The following TMEM117 variants were observed in gnomAD, a reference collection of about 807,000 sequenced individuals.
The protein encoded by TMEM117 is transmembrane protein 117.
TMEM117 carries 27 observed loss-of-function variants against 52.4 expected under a neutral mutation model. The ratio of observed to expected loss-of-function variants is 0.51; its 90% confidence interval spans 0.38 to 0.71. TMEM117 has a LOEUF of 0.71. TMEM117 is among the 30% of genes least tolerant of loss of function. The pLI, the probability that TMEM117 is intolerant of heterozygous loss-of-function variation, is 0.00. For missense variants in TMEM117, 556 were observed against 630.5 expected (o/e 0.88, Z 1.26); for synonymous variants, 215 against 206.3 (o/e 1.04, Z -0.36).
chr12:44,093,567 A>C (rs1011503080), intron 3 of TMEM117, among the ~76,000 whole-genome samples: 1 of 152,162 alleles, frequency 6.6e-6, no homozygotes, highest in African/African-American at 2.4e-5. Context: ...GATGTTAACA[A>C]AAAACCATGT....
chr12:44,008,901 C>T (rs1471186146), intron 3 of TMEM117: 1 of 415,744 alleles, frequency 2.4e-6, no homozygotes, highest in African/African-American at 2.1e-5. Flanking sequence ...TATGGTTTTA[C>T]TCTTTGATGT....
chr12:44,287,055 T>A (rs1565675165), intron 5 of TMEM117, among the ~76,000 whole-genome samples: 1 of 152,180 alleles, frequency 6.6e-6, no homozygotes, highest in Non-Finnish European at 1.5e-5. Flanking sequence ...CACACTTTTT[T>A]AACAACAACT....
intron 5 of TMEM117, among the ~76,000 whole-genome samples, chr12:44,257,848 A>G (rs555128256): frequency 2.6e-5 from 4 of 152,252 alleles, no homozygotes; most frequent in African/African-American, 7.2e-5. Context: ...TAAAGTATAT[A>G]TTATGCACAT....
At chr12:44,189,673 T>C (rs926661937) in intron 4 of TMEM117, among the ~76,000 whole-genome samples, 1 of 152,168 alleles carries the variant, frequency 6.6e-6, no homozygotes, top group Non-Finnish European at 1.5e-5. Context: ...GTAAAAAGGT[T>C]CAGAAGCCTT....
chr12:43,799,407 T>C, the TMEM117 span: 1 of 1,604,006 alleles, frequency 6.2e-7, no homozygotes, highest in Non-Finnish European at 8.5e-7. Flanking sequence ...CCTCATTGAT[T>C]TTAATCTGTC....
At chr12:44,382,181 C>T (rs1233541682) in intron 7 of TMEM117, among the ~76,000 whole-genome samples, 1 of 152,156 alleles carries the variant, frequency 6.6e-6, no homozygotes, top group Non-Finnish European at 1.5e-5. Context: ...TTCTTGCTGG[C>T]CCTGAGTTTC....
At chr12:43,901,098 C>G (rs1832722724) in intron 2 of TMEM117, among the ~76,000 whole-genome samples, 1 of 151,996 alleles carries the variant, frequency 6.6e-6, no homozygotes, top group Non-Finnish European at 1.5e-5. Context: ...GAATAAATGT[C>G]TAATTTTTTT....
the TMEM117 span, chr12:43,799,570 G>A: frequency 1.2e-6 from 1 of 814,336 alleles, no homozygotes. Flanking sequence ...GTTACTTTAG[G>A]AAAAACAAAA....
At chr12:43,871,863 T>C (rs1943712007) in intron 2 of TMEM117, among the ~76,000 whole-genome samples, 1 of 152,222 alleles carries the variant, frequency 6.6e-6, no homozygotes, top group Non-Finnish European at 1.5e-5. Flanking sequence ...CTAAGTATTG[T>C]TCTGATAGCA....
chr12:43,891,853 T>G (rs1049073150), intron 2 of TMEM117, among the ~76,000 whole-genome samples: 6 of 152,134 alleles, frequency 3.9e-5, no homozygotes, highest in African/African-American at 1.4e-4. Flanking sequence ...TTCCTTAACC[T>G]CTTGTGATCC....
At chr12:44,385,819 C>G (rs1565782665) in intron 7 of TMEM117, among the ~76,000 whole-genome samples, 1 of 152,086 alleles carries the variant, frequency 6.6e-6, no homozygotes, top group Non-Finnish European at 1.5e-5. Context: ...ATAAGAATCT[C>G]TGAACTTTTT....
At chr12:43,869,142 T>G (rs1943660896) in intron 2 of TMEM117, among the ~76,000 whole-genome samples, 1 of 152,128 alleles carries the variant, frequency 6.6e-6, no homozygotes, top group Non-Finnish European at 1.5e-5. Context: ...AAAACTGACA[T>G]AAGAAGAAAT....
At chr12:44,038,546 C>T (rs1156792216) in intron 3 of TMEM117, among the ~76,000 whole-genome samples, 1 of 152,196 alleles carries the variant, frequency 6.6e-6, no homozygotes, top group Non-Finnish European at 1.5e-5. Flanking sequence ...CCTTGACAGG[C>T]ATGAGAGTCA....
At chr12:44,154,479 A>C (rs577879879) in intron 4 of TMEM117, among the ~76,000 whole-genome samples, 11 of 152,032 alleles carry the variant, frequency 7.2e-5, no homozygotes, top group Non-Finnish European at 1.5e-4. Context: ...AAAGAACAGC[A>C]CCTCTCGTAA....
chr12:43,996,248 T>C (rs1286785057), intron 3 of TMEM117, among the ~76,000 whole-genome samples: 1 of 152,236 alleles, frequency 6.6e-6, no homozygotes, highest in Non-Finnish European at 1.5e-5. Context: ...GTATATATTA[T>C]GCTTTCTAAA....
At position 43,981,569 on chromosome 12, in the gene TMEM117, T is replaced by C. The variant is rs554200779; in HGVS notation, c.410+37227T>C. Among the ~76,000 whole-genome samples, 3 of 152,290 alleles carry C rather than the reference T, an allele frequency of 2.0e-5. 1 individual carries two copies. Among genetic ancestry groups the C allele is most frequent in the African/African-American group, 7.2e-5 (3 of 41,558 alleles). ...TCGAGAAACTGTGAGATAGACTGCC[T>C]ATCAGGGAGAATATAGATAAGATTT... On this transcript the variant is annotated intron_variant, in intron 3 of 7. Coordinates refer to ENST00000266534, the MANE Select transcript of TMEM117 (RefSeq NM_032256.3).
intron 4 of TMEM117, among the ~76,000 whole-genome samples, chr12:44,176,096 G>C (rs1029089837): frequency 2.0e-5 from 3 of 152,150 alleles, no homozygotes; most frequent in Non-Finnish European, 4.4e-5. Flanking sequence ...TTTTAAGAAA[G>C]AAGTTTAATC....
chr12:44,158,865 A>G (rs1314608181), intron 4 of TMEM117, among the ~76,000 whole-genome samples: 1 of 152,234 alleles, frequency 6.6e-6, no homozygotes, highest in Non-Finnish European at 1.5e-5. Context: ...GTCAGTGGCC[A>G]TCAGTGTCTG....
intron 6 of TMEM117, among the ~76,000 whole-genome samples, chr12:44,373,261 C>T (rs1329312594): frequency 6.6e-6 from 1 of 152,218 alleles, no homozygotes; most frequent in Non-Finnish European, 1.5e-5. Flanking sequence ...AGCTCCTGTT[C>T]TTCTGTCTTC....
Sources: allele counts gnomAD v4.1 joint callset (sites outside exome capture counted in the v4.1 genomes callset), GRCh38; gene constraint gnomAD v4.1.1; transcripts MANE v1.5; gene names NCBI Gene and HGNC (gene_info 2026-07-23, HGNC 2026-07-21).